GRID2: variants seen among roughly 807,000 people sequenced by gnomAD.
The protein encoded by GRID2 is glutamate ionotropic receptor delta type subunit 2.
A neutral mutation model predicts 114.8 loss-of-function variants in GRID2; 33 were observed. The observed-to-expected ratio is 0.29, with a 90% CI of 0.22 to 0.38. GRID2 has a LOEUF of 0.38. GRID2 is among the 10% of genes least tolerant of loss of function. GRID2 has a pLI of 1.00. For missense variants in GRID2, 1,184 were observed against 1,257.7 expected (o/e 0.94, Z 0.89); for synonymous variants, 505 against 449.9 (o/e 1.12, Z -1.55).
intron 8 of GRID2, among the ~76,000 whole-genome samples, chr4:93,283,295 G>A (rs879350846): frequency 6.6e-6 from 1 of 152,020 alleles, no homozygotes; most frequent in Admixed American, 6.6e-5. Context: ...CACAGCCACT[G>A]ATGTCAATTT....
intron 1 of GRID2, among the ~76,000 whole-genome samples, chr4:92,542,857 A>AT (rs1418086550): frequency 1.3e-5 from 2 of 152,146 alleles, no homozygotes; most frequent in African/African-American, 4.8e-5. Context: ...GTAATAATTG[A>AT]TTATAGTACG....
At chr4:92,870,505 C>T (rs1411393209) in intron 2 of GRID2, among the ~76,000 whole-genome samples, 1 of 151,944 alleles carries the variant, frequency 6.6e-6, no homozygotes, top group South Asian at 2.1e-4. Flanking sequence ...TTGATCACTC[C>T]TATTGAAAAG....
chr4:93,269,827 CA>C (rs1296073190), intron 8 of GRID2, among the ~76,000 whole-genome samples: 4 of 152,052 alleles, frequency 2.6e-5, no homozygotes, highest in African/African-American at 9.7e-5. Context: ...TGGAAAAGAG[CA>C]TCACATCCTA....
intron 1 of GRID2, among the ~76,000 whole-genome samples, chr4:92,333,031 T>TGGGAG (rs1726975026): frequency 6.6e-6 from 1 of 152,224 alleles, no homozygotes; most frequent in Non-Finnish European, 1.5e-5. Context: ...AAGGCAGCCC[T>TGGGAG]GCCTCCCATG....
At chr4:92,364,707 AAGTGCAG>A (rs1427853531) in intron 1 of GRID2, among the ~76,000 whole-genome samples, 1 of 151,946 alleles carries the variant, frequency 6.6e-6, no homozygotes, top group East Asian at 1.9e-4. Flanking sequence ...TAACAGAGGG[AAGTGCAG>A]AGCTCCAAAA....
intron 2 of GRID2, among the ~76,000 whole-genome samples, chr4:92,959,050 C>T (rs1232941581): frequency 2.7e-5 from 4 of 147,190 alleles, no homozygotes; most frequent in African/African-American, 9.9e-5. Flanking sequence ...AATTTGAGTC[C>T]ACTCTTCTTT....
chr4:92,653,379 G>C (rs1394631498), intron 2 of GRID2, among the ~76,000 whole-genome samples: 1 of 151,230 alleles, frequency 6.6e-6, no homozygotes, highest in Non-Finnish European at 1.5e-5. Flanking sequence ...TCAGGAGCTA[G>C]AGAAATTTCG....
chr4:93,300,462 T>C (rs1754744685), intron 8 of GRID2, among the ~76,000 whole-genome samples: 1 of 152,206 alleles, frequency 6.6e-6, no homozygotes, highest in Non-Finnish European at 1.5e-5. Context: ...AAGAATGCAG[T>C]GTCCACCAGT....
At chr4:92,488,785 T>A (rs1227269594) in intron 1 of GRID2, among the ~76,000 whole-genome samples, 1 of 152,132 alleles carries the variant, frequency 6.6e-6, no homozygotes, top group Non-Finnish European at 1.5e-5. Flanking sequence ...CTGATAATCC[T>A]GGGGAAAGAC....
chr4:92,502,189 C>T (rs1235144373), intron 1 of GRID2, among the ~76,000 whole-genome samples: 1 of 151,996 alleles, frequency 6.6e-6, no homozygotes, highest in East Asian at 1.9e-4. Context: ...ACATATATTT[C>T]TATTGCAGTT....
intron 1 of GRID2, among the ~76,000 whole-genome samples, chr4:92,351,546 A>G (rs1207918904): frequency 1.3e-5 from 2 of 151,798 alleles, no homozygotes; most frequent in African/African-American, 2.4e-5. Flanking sequence ...TTGAAAATAT[A>G]TAATAAATTA....
intron 1 of GRID2, among the ~76,000 whole-genome samples, chr4:92,419,048 G>T (rs564347372): frequency 6.6e-6 from 1 of 152,116 alleles, no homozygotes; most frequent in Middle Eastern, 3.4e-3. Context: ...AAGCTTAAAA[G>T]CTTAATTTGC....
intron 8 of GRID2, among the ~76,000 whole-genome samples, chr4:93,247,772 A>G (rs1318944626): frequency 2.0e-5 from 3 of 151,798 alleles, no homozygotes; most frequent in Non-Finnish European, 4.4e-5. Flanking sequence ...ATATATACAT[A>G]TATTCCCCTG....
chr4:92,982,022 T>TAAAAAAA lies in GRID2; in HGVS notation c.245-102956_245-102950dup, dbSNP rs1161216679. ...GTATCTTCACAGTCTAAAGTACTGG[T>TAAAAAAA]AAAAAAAAAAAAAAAAAAAAAAAGA... On this transcript the variant is annotated intron_variant, in intron 2 of 15. Transcript: ENST00000282020. Among the ~76,000 whole-genome samples, 157 of 80,018 alleles carry TAAAAAAA rather than the reference T, an allele frequency of 2.0e-3. 1 individual carries two copies. Among genetic ancestry groups the TAAAAAAA allele is most frequent in the East Asian group, 4.6e-3 (14 of 3,064 alleles). 52.5% of individuals were successfully genotyped at this position (80,018 alleles called of 152,430 possible).
Position 93,054,432 on chromosome 4 carries a change from G to A in GRID2, c.245-30563G>A, listed in dbSNP as rs1322847573. 5.9e-5 allele frequency among the ~76,000 whole-genome samples: 9 copies of A among 151,504 alleles called. 1 individual carries two copies. The East Asian group carries it at 1.5e-3, about 26-fold the overall frequency. On this transcript the variant is annotated intron_variant, in intron 2 of 15. Transcript: ENST00000282020. ...TTTGCCAGTCTTTCTCTGTTAGATTGAATAATAAACTTGCCATTCAGGAAA... is the reference window on the plus strand; with the variant it reads ...TTTGCCAGTCTTTCTCTGTTAGATTAAATAATAAACTTGCCATTCAGGAAA...
chr4:92,554,518 A>G (rs1726757076), intron 1 of GRID2, among the ~76,000 whole-genome samples: 2 of 152,326 alleles, frequency 1.3e-5, no homozygotes, highest in Admixed American at 6.5e-5. Flanking sequence ...ATGAAAACAT[A>G]TCAGTAAATG....
chr4:93,679,994 T>A (rs1242083086), intron 14 of GRID2, among the ~76,000 whole-genome samples: 1 of 150,890 alleles, frequency 6.6e-6, no homozygotes, highest in Non-Finnish European at 1.5e-5. Flanking sequence ...CAGGAGCTGG[T>A]TTTTTGAAAG....
At chr4:92,780,993 T>C (rs1248290967) in intron 2 of GRID2, among the ~76,000 whole-genome samples, 2 of 152,146 alleles carry the variant, frequency 1.3e-5, no homozygotes, top group African/African-American at 4.8e-5. Context: ...CCATGGGTAA[T>C]CCCAGCACTT....
At chr4:93,733,867 A>T (rs189728094) in intron 14 of GRID2, among the ~76,000 whole-genome samples, 64 of 152,220 alleles carry the variant, frequency 4.2e-4, no homozygotes, top group African/African-American at 1.5e-3. Flanking sequence ...CAGACCTAAG[A>T]GTAGGAATGC....
Sources: gnomAD v4.1 joint callset for allele counts (sites outside exome capture counted in the v4.1 genomes callset) on GRCh38, gnomAD v4.1.1 for gene constraint, MANE v1.5 for transcripts, NCBI Gene and HGNC (gene_info 2026-07-23, HGNC 2026-07-21) for gene names.